SAG: variants seen among roughly 807,000 people sequenced by gnomAD.
SAG encodes the protein S-antigen visual arrestin.
Under a neutral mutation model 55.0 loss-of-function variants are expected in SAG, and 45 were observed. The ratio of observed to expected loss-of-function variants is 0.82; its 90% CI spans 0.64 to 1.05. SAG has a LOEUF of 1.05. SAG is among the 50% of genes least tolerant of loss of function. SAG has a pLI of 0.00. For synonymous variants in SAG, 189 were observed against 197.4 expected (o/e 0.96, Z 0.36); for missense variants, 455 against 512.1 (o/e 0.89, Z 1.08).
rs558200209 is a variant in SAG, at chr2:233,325,499, T to C, written c.436-1622T>C. Among the ~76,000 whole-genome samples, 3 of 152,170 alleles carry C rather than the reference T, an allele frequency of 2.0e-5. No homozygotes were observed. In the East Asian group the frequency reaches 5.8e-4, roughly 29 times the overall value. Reference sequence around the variant, plus strand: ...CTGGGCTGTGTTACAAATCCAACTTTCAGAACATCTCGAAGCTAGTGGTCC... The same window carrying C: ...CTGGGCTGTGTTACAAATCCAACTTCCAGAACATCTCGAAGCTAGTGGTCC... On this transcript the variant is annotated intron_variant, in intron 6 of 15. Transcript: ENST00000409110.
At chr2:233,332,401 C>T (rs189839921) in intron 10 of SAG, 3 of 152,192 alleles carry the variant, frequency 2.0e-5, no homozygotes, top group East Asian at 1.9e-4. Context: ...TTCTAAGCAC[C>T]GTTGTATGTA....
chr2:233,335,318 C>T (rs966641804), intron 11 of SAG, among the ~76,000 whole-genome samples: 4 of 152,242 alleles, frequency 2.6e-5, no homozygotes, highest in African/African-American at 7.2e-5. Flanking sequence ...GACAGCTGTG[C>T]GCTAACCCCA....
chr2:233,329,554 C>A lies in SAG; in HGVS notation c.710C>A (p.Thr237Asn), dbSNP rs746184232. 6.2e-7 allele frequency: 1 copy of A among 1,612,182 alleles called. No individual in the cohort carries two copies. The highest frequency in any genetic ancestry group is 1.1e-5 in the South Asian group (1 of 91,004). The stretch of plus-strand genomic sequence containing the variant: ...ACTGTCACCAATAACACAGAGAAGA[C>A]CGTGAAGAAGATTAAAGCATTCGGT... ...TVTVTNNTEK[T>N]VKKIKAFVEQ... Residue 237 changes from threonine to asparagine, a missense_variant, in exon 9 of 16, where the codon ACC becomes AAC. By Grantham distance (65) the Thr-to-Asn change is moderately conservative (BLOSUM62 0). Transcript: ENST00000409110.
chr2:233,346,626 T>C (rs1434792750), intron 15 of SAG, among the ~76,000 whole-genome samples, 181 bp from the exon 16 acceptor site: 1 of 152,182 alleles, frequency 6.6e-6, no homozygotes, highest in Non-Finnish European at 1.5e-5. Context: ...GCCTTTGTTT[T>C]CTCCCATTGG....
rs1559435841 is a variant in SAG, at chr2:233,318,795, G to T, written c.181G>T (p.Val61Leu). The T allele has an allele frequency of 3.7e-6, 6 of 1,613,686 alleles. No homozygotes were observed. The highest frequency in any genetic ancestry group is 4.2e-6 in the Non-Finnish European group (5 of 1,179,588). The change falls in exon 4 of 16, where the codon GTG (valine) becomes TTG (leucine). Residue 61 changes from valine to leucine, a missense_variant and splice_region_variant. Coordinates refer to ENST00000409110, the MANE Select transcript of SAG (RefSeq NM_000541.5). ...TCCTGATCTTGTGAAGGGAAAGAAA[G>T]GTGAGATGAAGCCCCTTGTCTCAGG... The part of the protein sequence containing the change: ...VDPDLVKGKK[V>L]YVTLTCAFRY...
chr2:233,327,087 T>C, intron 6 of SAG, 34 bp from the exon 7 acceptor site: 2 of 1,584,836 alleles, frequency 1.3e-6, no homozygotes, highest in Non-Finnish European at 1.7e-6. Context: ...AGGGAGTCGC[T>C]GATCGCTGCC....
chr2:233,317,960 A>G (rs1006718655), intron 3 of SAG, among the ~76,000 whole-genome samples: 2 of 152,156 alleles, frequency 1.3e-5, no homozygotes, highest in Non-Finnish European at 2.9e-5. Context: ...ATTAAGTTAT[A>G]TATGTCTGGA....
intron 14 of SAG, chr2:233,343,237 C>CACA (rs1701159475): frequency 6.5e-6 from 1 of 153,478 alleles, no homozygotes; most frequent in Non-Finnish European, 1.4e-5. Context: ...CGCCTGCCAC[C>CACA]CCACCTGGCT....
intron 5 of SAG, among the ~76,000 whole-genome samples, chr2:233,321,057 AC>A: frequency 6.6e-6 from 1 of 152,220 alleles, no homozygotes; most frequent in East Asian, 1.9e-4. Flanking sequence ...ATTTCCCTTG[AC>A]CCGACCCCCT....
intron 10 of SAG, chr2:233,332,121 T>C (rs1700785662): frequency 8.5e-6 from 2 of 236,292 alleles, no homozygotes; most frequent in South Asian, 9.9e-5. Context: ...CAAATTGAAA[T>C]CTTATACCAG....
At chr2:233,342,500 C>A in intron 14 of SAG, 174 bp downstream of exon 14, 1 of 629,952 alleles carries the variant, frequency 1.6e-6, no homozygotes, top group Non-Finnish European at 2.8e-6. Flanking sequence ...CCCATCTGTT[C>A]AGCGCTGAGC....
At chr2:233,343,307 T>C (rs1701161847) in intron 14 of SAG, 1 of 158,160 alleles carries the variant, frequency 6.3e-6, no homozygotes, top group Admixed American at 6.4e-5. Flanking sequence ...AGTTTTGAAC[T>C]CCTGACCTCA....
intron 2 of SAG, among the ~76,000 whole-genome samples, chr2:233,314,215 T>C (rs1460908739): frequency 7.0e-6 from 1 of 141,882 alleles, no homozygotes; most frequent in Non-Finnish European, 1.5e-5. Flanking sequence ...GAATGAGACC[T>C]TGTCTCAAAA....
At chr2:233,310,667 C>A (rs1700055089) in intron 2 of SAG, among the ~76,000 whole-genome samples, 1 of 152,030 alleles carries the variant, frequency 6.6e-6, no homozygotes. Context: ...CCACCGCGCC[C>A]AGCTAATTTT....
At chr2:233,318,684 T>C in intron 3 of SAG, 67 bp from the exon 4 acceptor site, 6 of 1,362,784 alleles carry the variant, frequency 4.4e-6, no homozygotes, top group Non-Finnish European at 6.3e-6. Context: ...ATGCGCAGTT[T>C]TTAAAGTAGG....
intron 13 of SAG, among the ~76,000 whole-genome samples, chr2:233,341,543 G>A (rs1281038655): frequency 6.6e-6 from 1 of 152,180 alleles, no homozygotes; most frequent in Admixed American, 6.5e-5. Context: ...GCTACAACAT[G>A]GATAAACCTT....
Position 233,322,951 on chromosome 2 carries a change from T to C in SAG, c.381T>C (p.Pro127=), listed in dbSNP as rs1700432369. The C allele has an allele frequency of 1.3e-6, 2 of 1,565,148 alleles. No individual in the cohort carries two copies. The highest frequency in any genetic ancestry group is 1.7e-6 in the Non-Finnish European group (2 of 1,150,008). Residue 127 remains proline (P), a synonymous_variant, in exon 6 of 16, where the codon CCT becomes CCC. Coordinates refer to ENST00000409110, the MANE Select transcript of SAG (RefSeq NM_000541.5). ...SNTYPFLLTF[P]DYLPCSVMLQ... is the part of the protein sequence containing the mutation. ...TTATTTGTTTCTTTCCACAGTTTCCTGACTACTTGCCCTGTTCAGTGATGT... is the reference window on the plus strand; with the variant it reads ...TTATTTGTTTCTTTCCACAGTTTCCCGACTACTTGCCCTGTTCAGTGATGT...
intron 2 of SAG, among the ~76,000 whole-genome samples, chr2:233,315,228 G>A (rs1454513858): frequency 6.6e-6 from 1 of 151,370 alleles, no homozygotes; most frequent in Non-Finnish European, 1.5e-5. Context: ...TTCACCTGGT[G>A]GGATTTCAGG....
At chr2:233,322,236 T>C (rs529751663) in intron 5 of SAG, among the ~76,000 whole-genome samples, 2 of 151,244 alleles carry the variant, frequency 1.3e-5, no homozygotes, top group South Asian at 2.1e-4. Flanking sequence ...CAGTTCAGCT[T>C]ATGGAATTAA....
Sources: allele counts gnomAD v4.1 joint callset (sites outside exome capture counted in the v4.1 genomes callset), GRCh38; gene constraint gnomAD v4.1.1; transcripts MANE v1.5; gene names NCBI Gene and HGNC (gene_info 2026-07-23, HGNC 2026-07-21).